The following AQP7B variants were observed in gnomAD, a reference collection of about 807,000 sequenced individuals.
The protein encoded by AQP7B is putative aquaporin-7B.
the AQP7B span, chr2:94,594,924 T>G: frequency 9.1e-7 from 1 of 1,094,718 alleles, no homozygotes; most frequent in Non-Finnish European, 1.4e-6. Context: ...GGGCTGTCCA[T>G]GACCCCCTCC....
chr2:94,590,711 G>A, the AQP7B span, among the ~76,000 whole-genome samples: 1 of 152,018 alleles, frequency 6.6e-6, no homozygotes, highest in Admixed American at 6.5e-5. Context: ...GGGAGGCTGA[G>A]GCTGGAGGAT....
chr2:94,602,685 T>G, the AQP7B span: 6 of 1,449,220 alleles, frequency 4.1e-6, no homozygotes, highest in African/African-American at 7.0e-5. Context: ...CCTGCCCACC[T>G]CAGCCAGCTC....
chr2:94,593,480 C>CTTTTTTTTT, the AQP7B span, among the ~76,000 whole-genome samples: 1 of 113,954 alleles, frequency 8.8e-6, no homozygotes, highest in Non-Finnish European at 1.8e-5. Context: ...TCCTCTTCCT[C>CTTTTTTTTT]TTTTTTTTTT....
chr2:94,600,557 C>T, the AQP7B span, among the ~76,000 whole-genome samples: 1 of 152,062 alleles, frequency 6.6e-6, no homozygotes, highest in East Asian at 2.0e-4. Flanking sequence ...CATAGTGAAA[C>T]CTCATCTCTA....
chr2:94,590,993 G>T, the AQP7B span, among the ~76,000 whole-genome samples: 1 of 151,088 alleles, frequency 6.6e-6, no homozygotes, highest in South Asian at 2.1e-4. Context: ...AGAAACAGGC[G>T]TTAGTGAGTT....
the AQP7B span, among the ~76,000 whole-genome samples, chr2:94,591,856 A>T: frequency 4.0e-5 from 6 of 151,878 alleles, no homozygotes; most frequent in Admixed American, 2.6e-4. Context: ...CCTCTAGGCC[A>T]TTCACTTCCT....
the AQP7B span, among the ~76,000 whole-genome samples, chr2:94,599,528 T>G: frequency 6.6e-6 from 1 of 152,110 alleles, no homozygotes; most frequent in African/African-American, 2.4e-5. Context: ...GCTCACCCTC[T>G]TGTCCCTCTT....
At chr2:94,587,519 T>TG in the AQP7B span, among the ~76,000 whole-genome samples, 1 of 152,144 alleles carries the variant, frequency 6.6e-6, no homozygotes, top group Non-Finnish European at 1.5e-5. Context: ...AGGGATTGTT[T>TG]GGGGAAGGAG....
the AQP7B span, among the ~76,000 whole-genome samples, chr2:94,596,442 T>A: frequency 1.3e-5 from 2 of 151,950 alleles, no homozygotes. Flanking sequence ...GAAGGTGGGG[T>A]GACAGAGGCT....
chr2:94,596,991 C>T, the AQP7B span, among the ~76,000 whole-genome samples: 1 of 152,198 alleles, frequency 6.6e-6, no homozygotes, highest in Non-Finnish European at 1.5e-5. Context: ...TGAGTCACCT[C>T]GCCTGGCCCA....
At chr2:94,598,933 G>A in the AQP7B span, among the ~76,000 whole-genome samples, 83 of 152,278 alleles carry the variant, frequency 5.5e-4, no homozygotes, top group Non-Finnish European at 6.8e-4. Context: ...CTCCCGAGTA[G>A]CTGGGATTAC....
chr2:94,595,773 G>T, the AQP7B span, among the ~76,000 whole-genome samples: 1 of 152,146 alleles, frequency 6.6e-6, no homozygotes, highest in Admixed American at 6.5e-5. Flanking sequence ...TGGGCAAAGC[G>T]CCGATGAGCT....
the AQP7B span, among the ~76,000 whole-genome samples, chr2:94,602,214 G>T: frequency 6.6e-6 from 1 of 152,066 alleles, no homozygotes; most frequent in East Asian, 1.9e-4. Context: ...CTTCAGGTGG[G>T]CCTGGGGCTG....
chr2:94,603,269 G>A, the AQP7B span: 2 of 1,393,618 alleles, frequency 1.4e-6, no homozygotes, highest in Non-Finnish European at 2.0e-6. Flanking sequence ...GTAAAAAATA[G>A]CTGGGAGAAA....
At chr2:94,604,571 T>A in the AQP7B span, 1 of 1,581,758 alleles carries the variant, frequency 6.3e-7, no homozygotes, top group Non-Finnish European at 8.6e-7. Flanking sequence ...AGAGCACTTC[T>A]AAGCAGAGAT....
At chr2:94,591,956 G>A in the AQP7B span, among the ~76,000 whole-genome samples, 1 of 152,076 alleles carries the variant, frequency 6.6e-6, no homozygotes, top group Non-Finnish European at 1.5e-5. Flanking sequence ...TTCTTCCCAC[G>A]GGCTGGATTG....
chr2:94,599,130 G>A, the AQP7B span, among the ~76,000 whole-genome samples: 2 of 152,148 alleles, frequency 1.3e-5, no homozygotes, highest in Non-Finnish European at 2.9e-5. Context: ...TTAGCACATG[G>A]TATTGGAATG....
chr2:94,601,666 A>G, the AQP7B span, among the ~76,000 whole-genome samples: 1 of 152,138 alleles, frequency 6.6e-6, no homozygotes, highest in African/African-American at 2.4e-5. Context: ...GGGGGCAACC[A>G]GGAACCCACA....
the AQP7B span, among the ~76,000 whole-genome samples, chr2:94,592,529 C>G: frequency 6.6e-6 from 1 of 152,074 alleles, no homozygotes; most frequent in Non-Finnish European, 1.5e-5. Flanking sequence ...CATGACCAGC[C>G]TCCTCAGCCC....
Sources: gnomAD v4.1 joint callset for allele counts (sites outside exome capture counted in the v4.1 genomes callset) on GRCh38, gnomAD v4.1.1 for gene constraint, MANE v1.5 for transcripts, NCBI Gene and HGNC (gene_info 2026-07-23, HGNC 2026-07-21) for gene names.